The following TGM5 variants were observed in gnomAD, a reference collection of about 807,000 sequenced individuals.
TGM5 encodes transglutaminase 5, also known as protein-glutamine gamma-glutamyltransferase 5.
A neutral mutation model predicts 77.2 loss-of-function variants in TGM5; 69 were observed. That is an observed-to-expected ratio of 0.89 (90% CI 0.74 to 1.09). The LOEUF (loss-of-function observed/expected upper bound fraction) is 1.09, where lower values mean the gene tolerates loss of function less well. TGM5 is among the 50% of genes least tolerant of loss of function. The pLI is 0.00. For missense variants in TGM5, 842 were observed against 896.5 expected, an observed-to-expected ratio of 0.94 and a Z score of 0.78; for synonymous variants, 346 against 351.8, an observed-to-expected ratio of 0.98 and a Z score of 0.18.
chr15:43,255,466 C>A (rs919254419), intron 4 of TGM5, among the ~76,000 whole-genome samples: 3 of 152,190 alleles, frequency 2.0e-5, no homozygotes, highest in African/African-American at 4.8e-5. Flanking sequence ...CTCCATGATG[C>A]CCAATCTGCC....
In TGM5 at chr15:43,241,038, C is replaced by T. The variant is rs1445107507; in HGVS notation, c.863-48G>A. 7 of 1,613,152 alleles carry T rather than the reference C, an allele frequency of 4.3e-6. No homozygotes were observed. In the African/African-American group the frequency reaches 8.0e-5, roughly 18 times the overall value. On this transcript the variant is annotated intron_variant, in intron 6 of 12. Transcript: ENST00000220420. ...TCACCTGTGAGCTGTAGATTCCGGA[C>T]CCGTATATTCCTGGACTTTGGGGCC...
intron 6 of TGM5, among the ~76,000 whole-genome samples, chr15:43,242,224 T>G (rs1265222185): frequency 6.6e-6 from 1 of 152,256 alleles, no homozygotes; most frequent in African/African-American, 2.4e-5. Context: ...ACTAAAATCC[T>G]GGTTTCACTG....
intron 1 of TGM5, 108 bp downstream of exon 1, chr15:43,266,732 T>G: frequency 7.1e-7 from 1 of 1,415,038 alleles, no homozygotes; most frequent in Non-Finnish European, 1.0e-6. Context: ...CTCAGTTCTG[T>G]ATTTACTTCT....
chr15:43,257,557 A>G (rs1026277444), intron 3 of TGM5, among the ~76,000 whole-genome samples: 27 of 152,144 alleles, frequency 1.8e-4, no homozygotes, highest in African/African-American at 6.3e-4. Context: ...GGAGGAAGGT[A>G]AGGATTGAAA....
chr15:43,256,474 T>G, intron 4 of TGM5, 94 bp downstream of exon 4: 1 of 978,600 alleles, frequency 1.0e-6, no homozygotes, highest in Non-Finnish European at 1.7e-6. Flanking sequence ...TAGTTAGCGT[T>G]GGTCAGCAGT....
chr15:43,259,857 C>T (rs1311547706), intron 3 of TGM5, among the ~76,000 whole-genome samples, 195 bp downstream of exon 3: 1 of 152,212 alleles, frequency 6.6e-6, no homozygotes, highest in African/African-American at 2.4e-5. Context: ...TGGTTTATAA[C>T]TTGAAAATTC....
intron 3 of TGM5, among the ~76,000 whole-genome samples, chr15:43,258,678 TG>T (rs2042761325): frequency 6.6e-6 from 1 of 152,190 alleles, no homozygotes; most frequent in African/African-American, 2.4e-5. Flanking sequence ...AGCAGTGGCC[TG>T]AGCTACACAG....
At position 43,234,822 on chromosome 15, in the gene TGM5, T is replaced by C. The variant is rs76456763; in HGVS notation, c.1822A>G (p.Lys608Glu). The C allele has an allele frequency of 2.1e-3, 3,319 of 1,614,248 alleles. 74 individuals are homozygous for C. In the African/African-American group the frequency reaches 0.04, roughly 20 times the overall value. Residue 608 changes from lysine (K) to glutamate (E), a missense_variant, in exon 11 of 13, where the codon AAA becomes GAA. By Grantham distance (56) the Lys-to-Glu change is moderately conservative (BLOSUM62 1). This residue lies in a region of TGM5 where 815 missense variants were observed against 844.6 expected (regional missense o/e 0.96). Coordinates refer to ENST00000220420, the MANE Select transcript of TGM5 (RefSeq NM_201631.4). ...GTGATGATCTTGTTCACCAGGATTT[T>C]CTCAGGACTGCTTTTCTCTTCACCC... ...ALGEEKSSPE[K>E]ILVNKIITLS...
chr15:43,239,251 C>A lies in TGM5; in HGVS notation c.1017G>T (p.Trp339Cys), dbSNP rs2042616503. 6.2e-7 allele frequency: 1 copy of A among 1,614,046 alleles called. No homozygotes were observed. The highest frequency in any genetic ancestry group is 8.5e-7 in the Non-Finnish European group (1 of 1,180,032). The change falls in exon 8 of 13, where the codon TGG becomes TGT. Residue 339 changes from tryptophan (W) to cysteine (C), a missense_variant. Physicochemically the swap from Trp to Cys is radical, Grantham distance 215. Transcript: ENST00000220420. ...KKDTIWNFHV[W>C]NECWMARKDL... The stretch of plus-strand genomic sequence containing the variant: ...CCTTCCGGGCCATCCAGCACTCATT[C>A]CAGACATGGAAGTTCCTGTGTCAAA...
At chr15:43,245,887 G>A (rs982622646) in intron 6 of TGM5, among the ~76,000 whole-genome samples, 13 of 141,894 alleles carry the variant, frequency 9.2e-5, no homozygotes, top group African/African-American at 3.4e-4. Flanking sequence ...AGGGTTATCT[G>A]TGTGTGTGTG....
At chr15:43,236,147 T>G (rs986842498) in intron 9 of TGM5, among the ~76,000 whole-genome samples, 8 of 151,998 alleles carry the variant, frequency 5.3e-5, no homozygotes, top group African/African-American at 1.9e-4. Flanking sequence ...ACACAACTAG[T>G]AAGGAGCAGA....
At chr15:43,255,812 G>A (rs2042738293) in intron 4 of TGM5, among the ~76,000 whole-genome samples, 1 of 152,146 alleles carries the variant, frequency 6.6e-6, no homozygotes, top group African/African-American at 2.4e-5. Flanking sequence ...TGAAATGAGA[G>A]GCAGGCTTTT....
chr15:43,252,615 C>A, intron 6 of TGM5, 144 bp downstream of exon 6: 3 of 1,097,248 alleles, frequency 2.7e-6, no homozygotes, highest in African/African-American at 1.6e-5. Context: ...CGTGCCCGGC[C>A]GAGACATTTC....
At chr15:43,254,074 A>G (rs1010666628) in intron 4 of TGM5, among the ~76,000 whole-genome samples, 1 of 152,216 alleles carries the variant, frequency 6.6e-6, no homozygotes, top group Non-Finnish European at 1.5e-5. Context: ...CCAACCTGCC[A>G]TGGCACCTGT....
intron 6 of TGM5, among the ~76,000 whole-genome samples, chr15:43,244,085 A>T (rs1012836647): frequency 6.6e-6 from 1 of 152,080 alleles, no homozygotes; most frequent in Non-Finnish European, 1.5e-5. Flanking sequence ...CTCAGTCTCA[A>T]TGCACCTTCC....
At chr15:43,245,351 G>C (rs969326918) in intron 6 of TGM5, among the ~76,000 whole-genome samples, 4 of 152,110 alleles carry the variant, frequency 2.6e-5, no homozygotes, top group Non-Finnish European at 5.9e-5. Flanking sequence ...AACGCATTAA[G>C]CTTCCAAATG....
Position 43,233,620 on chromosome 15 carries a change from T to G in TGM5, c.1943A>C (p.Glu648Ala), listed in dbSNP as rs866420394. 1 of 1,614,068 alleles carries G rather than the reference T, an allele frequency of 6.2e-7. No homozygotes were observed. Among genetic ancestry groups the G allele is most frequent in the African/African-American group, 1.3e-5 (1 of 74,922 alleles). The change falls in exon 12 of 13, where the codon GAG becomes GCG. Residue 648 changes from glutamate (E) to alanine (A), a missense_variant. Physicochemically the swap from Glu to Ala is moderately radical, Grantham distance 107. Around this residue, in one of 2 missense-constraint regions of TGM5, gnomAD observed 815 missense variants for 844.6 expected, o/e 0.96. Coordinates refer to ENST00000220420, the MANE Select transcript of TGM5 (RefSeq NM_201631.4). ...AGTCAGCACACAGTCCTCAACCTGC[T>G]CCGAGAGGGGGTTTGAAAATATCAC... is the stretch of plus-strand genomic sequence containing the variant. The part of the protein sequence containing the change: ...IQVIFSNPLS[E>A]QVEDCVLTVE...
intron 10 of TGM5, 102 bp downstream of exon 10, chr15:43,235,367 G>T: frequency 6.6e-7 from 1 of 1,504,230 alleles, no homozygotes. Flanking sequence ...CAGTAGAAAT[G>T]ATGGTGTCTC....
At chr15:43,235,309 G>A (rs1270336528) in intron 10 of TGM5, among the ~76,000 whole-genome samples, 160 bp downstream of exon 10, 1 of 150,796 alleles carries the variant, frequency 6.6e-6, no homozygotes, top group East Asian at 2.0e-4. Context: ...AAGGAAGGAA[G>A]GAAGGGGGAA....
Sources: gnomAD v4.1 joint callset for allele counts (sites outside exome capture counted in the v4.1 genomes callset) on GRCh38, gnomAD v4.1.1 for gene constraint, gnomAD v4.1.1 regional missense constraint, MANE v1.5 for transcripts, NCBI Gene and HGNC (gene_info 2026-07-23, HGNC 2026-07-21) for gene names.